The following UNC13C variants were observed in gnomAD, a reference collection of about 807,000 sequenced individuals.
UNC13C encodes protein unc-13 homolog C.
A neutral mutation model predicts 245.4 loss-of-function variants in UNC13C; 174 were observed. The observed-to-expected ratio is 0.71, with a 90% CI of 0.63 to 0.80. The LOEUF is 0.80. Among genes scored for constraint, UNC13C ranks in the 30% least tolerant of loss-of-function variants. UNC13C has a pLI of 0.00. For missense variants in UNC13C, 2,829 were observed against 2,602.9 expected (o/e 1.09, Z -1.89); for synonymous variants, 992 against 895.1 (o/e 1.11, Z -1.93).
intron 4 of UNC13C, among the ~76,000 whole-genome samples, chr15:54,178,092 A>C (rs946280578): frequency 7.9e-5 from 12 of 152,140 alleles, no homozygotes; most frequent in Non-Finnish European, 1.3e-4. Flanking sequence ...TCTTTTAAGC[A>C]GGAGAATTAT....
the UNC13C span, among the ~76,000 whole-genome samples, chr15:53,905,887 A>G: frequency 6.6e-6 from 1 of 152,198 alleles, no homozygotes; most frequent in South Asian, 2.1e-4. Context: ...TCTTAAAAAA[A>G]TAGAGGGCAG....
At chr15:54,470,012 G>T (rs969985766) in intron 19 of UNC13C, among the ~76,000 whole-genome samples, 1 of 151,670 alleles carries the variant, frequency 6.6e-6, no homozygotes, top group Non-Finnish European at 1.5e-5. Flanking sequence ...ACTCTTTTAA[G>T]ATGCTCATAT....
At chr15:54,411,273 T>C (rs900090433) in intron 18 of UNC13C, among the ~76,000 whole-genome samples, 3 of 152,196 alleles carry the variant, frequency 2.0e-5, no homozygotes, top group African/African-American at 4.8e-5. Context: ...TTGCAAATTT[T>C]TTTCTCCCTG....
At chr15:54,016,098 A>G (rs1362176243) in intron 2 of UNC13C, among the ~76,000 whole-genome samples, 2 of 152,226 alleles carry the variant, frequency 1.3e-5, no homozygotes. Context: ...TAAATGGGTC[A>G]TATTGGAATG....
intron 26 of UNC13C, among the ~76,000 whole-genome samples, 166 bp downstream of exon 26, chr15:54,533,232 C>T (rs1164713652): frequency 6.6e-6 from 1 of 151,832 alleles, no homozygotes; most frequent in South Asian, 2.1e-4. Flanking sequence ...AGCAACATAC[C>T]TTTAATTGAT....
At chr15:54,098,550 C>A (rs1324394227) in intron 2 of UNC13C, among the ~76,000 whole-genome samples, 1 of 152,198 alleles carries the variant, frequency 6.6e-6, no homozygotes, top group Non-Finnish European at 1.5e-5. Flanking sequence ...CACTTTTACA[C>A]ACATGCCTAA....
At chr15:54,370,080 G>A (rs947019877) in intron 17 of UNC13C, among the ~76,000 whole-genome samples, 7 of 152,038 alleles carry the variant, frequency 4.6e-5, no homozygotes, top group Middle Eastern at 3.2e-3. Context: ...GACTGCTATC[G>A]AGCCAACGCT....
chr15:53,949,890 G>A, the UNC13C span, among the ~76,000 whole-genome samples: 1 of 152,104 alleles, frequency 6.6e-6, no homozygotes, highest in Non-Finnish European at 1.5e-5. Context: ...GAGTAGAGAA[G>A]GTGTCTTATA....
At chr15:54,576,798 C>G (rs1179075138) in intron 30 of UNC13C, among the ~76,000 whole-genome samples, 1 of 152,136 alleles carries the variant, frequency 6.6e-6, no homozygotes, top group Non-Finnish European at 1.5e-5. Context: ...TGATAATTGG[C>G]AACCCTCTCT....
chr15:54,331,178 G>A (rs1165107242), intron 14 of UNC13C, among the ~76,000 whole-genome samples: 1 of 151,996 alleles, frequency 6.6e-6, no homozygotes, highest in East Asian at 1.9e-4. Flanking sequence ...GAATATTAAT[G>A]TTGGCAGGGG....
the UNC13C span, among the ~76,000 whole-genome samples, chr15:53,954,291 G>A: frequency 2.6e-5 from 4 of 152,204 alleles, no homozygotes; most frequent in Non-Finnish European, 4.4e-5. Flanking sequence ...ACTAGAGTGT[G>A]TGCTTCCTGA....
intron 15 of UNC13C, among the ~76,000 whole-genome samples, chr15:54,333,257 TA>T (rs957220476): frequency 2.0e-5 from 3 of 152,120 alleles, no homozygotes; most frequent in Non-Finnish European, 4.4e-5. Context: ...CAAACCTCGC[TA>T]AAAGAAACCT....
intron 19 of UNC13C, among the ~76,000 whole-genome samples, chr15:54,494,247 T>C (rs1893851181): frequency 6.6e-6 from 1 of 152,094 alleles, no homozygotes; most frequent in African/African-American, 2.4e-5. Flanking sequence ...AAAAAAGAAT[T>C]TTAATTCTCT....
intron 19 of UNC13C, among the ~76,000 whole-genome samples, chr15:54,430,000 T>C (rs915273637): frequency 1.3e-5 from 2 of 151,760 alleles, no homozygotes; most frequent in African/African-American, 2.4e-5. Flanking sequence ...CAAAATAATA[T>C]GCCAATTTGA....
At chr15:54,070,405 A>G (rs1247296499) in intron 2 of UNC13C, among the ~76,000 whole-genome samples, 1 of 152,176 alleles carries the variant, frequency 6.6e-6, no homozygotes, top group African/African-American at 2.4e-5. Flanking sequence ...GGAATATGTA[A>G]GTGCTACAGG....
rs755633783 is a variant in UNC13C at position 54,013,785 on chromosome 15, G to T, written c.882G>T (p.Gly294=). ...GTGAAATTGAGCAGTTGCGCACAGG[G>T]TTTGTCCAGTCTCGGAGGGAAACTA... is the stretch of plus-strand genomic sequence containing the variant. ...VQSEIEQLRT[G]FVQSRRETRD... Residue 294 remains glycine (G), a synonymous_variant, in exon 2 of 33, where the codon GGG becomes GGT. Coordinates refer to ENST00000260323, the MANE Select transcript of UNC13C (RefSeq NM_001080534.3). The T allele has an allele frequency of 2.5e-6, 4 of 1,611,502 alleles. No homozygotes were observed. The highest frequency in any genetic ancestry group is 8.5e-7 in the Non-Finnish European group (1 of 1,178,850).
chr15:54,305,108 A>C (rs1454595964), intron 13 of UNC13C, among the ~76,000 whole-genome samples: 1 of 152,136 alleles, frequency 6.6e-6, no homozygotes, highest in Non-Finnish European at 1.5e-5. Flanking sequence ...CTTCATAAGA[A>C]GTTCTTGATA....
chr15:54,606,901 A>C (rs1280176499), intron 30 of UNC13C, among the ~76,000 whole-genome samples: 1 of 152,170 alleles, frequency 6.6e-6, no homozygotes, highest in Non-Finnish European at 1.5e-5. Flanking sequence ...CAATTTACCG[A>C]ATTGGAAATA....
intron 30 of UNC13C, among the ~76,000 whole-genome samples, chr15:54,582,773 C>G (rs1327006452): frequency 6.6e-6 from 1 of 152,112 alleles, no homozygotes; most frequent in Non-Finnish European, 1.5e-5. Context: ...TACTGTTAGC[C>G]TGACTCCTTG....
Sources: allele counts gnomAD v4.1 joint callset (sites outside exome capture counted in the v4.1 genomes callset), GRCh38; gene constraint gnomAD v4.1.1; transcripts MANE v1.5; gene names NCBI Gene and HGNC (gene_info 2026-07-23, HGNC 2026-07-21).